Variants in UTRN observed in about 807,000 individuals in gnomAD.
UTRN encodes dystrophin-related protein 1.
UTRN carries 283 observed loss-of-function variants against 463.9 expected under a neutral mutation model. The observed-to-expected ratio is 0.61, with a 90% confidence interval of 0.55 to 0.67. The LOEUF (loss-of-function observed/expected upper bound fraction) is 0.67. UTRN is among the 30% of genes least tolerant of loss of function. The pLI, the probability that UTRN is intolerant of heterozygous loss-of-function variation, is 0.00. For synonymous variants in UTRN, 1,442 were observed against 1,431.5 expected (o/e 1.01, Z -0.17); for missense variants, 3,922 against 4,084.3 (o/e 0.96, Z 1.08).
chr6:144,798,667 C>T (rs1777441533), intron 64 of UTRN, among the ~76,000 whole-genome samples: 1 of 152,118 alleles, frequency 6.6e-6, no homozygotes, highest in South Asian at 2.1e-4. Flanking sequence ...GAAAATAGCC[C>T]CAGTTTAATT....
chr6:144,527,306 G>A (rs1371373858), intron 41 of UTRN, among the ~76,000 whole-genome samples: 2 of 152,180 alleles, frequency 1.3e-5, no homozygotes, highest in African/African-American at 4.8e-5. Context: ...TTTGTTTAAG[G>A]AGGCTGAAGA....
chr6:144,577,034 T>C, intron 50 of UTRN, 65 bp from the exon 51 acceptor site: 2 of 1,505,388 alleles, frequency 1.3e-6, no homozygotes, highest in Non-Finnish European at 1.8e-6. Context: ...ATTTAGGGGA[T>C]GCGTGATGTG....
rs1171023463 is a variant in UTRN, at chr6:144,458,802, C to T, written c.2317C>T (p.Leu773=). The part of the protein sequence containing the change: ...GLPTEEIKNV[L]EKVSSEWKNV... The stretch of plus-strand genomic sequence containing the variant: ...TCCTACTGAAGAAATAAAAAATGTT[C>T]TGGAGAAGGTTTCATCAGAATGGAA... The change falls in exon 20 of 75, where the codon CTG becomes TTG. Residue 773 remains leucine, a synonymous_variant. Coordinates refer to ENST00000367545, the MANE Select transcript of UTRN (RefSeq NM_007124.3). The T allele has an allele frequency of 1.2e-6, 2 of 1,604,098 alleles. No individual in the cohort carries two copies. Among genetic ancestry groups the T allele is most frequent in the Non-Finnish European group, 1.7e-6 (2 of 1,177,496 alleles).
At chr6:144,821,914 T>G (rs1586716667) in intron 66 of UTRN, among the ~76,000 whole-genome samples, 1 of 152,154 alleles carries the variant, frequency 6.6e-6, no homozygotes, top group East Asian at 1.9e-4. Context: ...TTGTATAGCA[T>G]AATGAAGTTC....
intron 51 of UTRN, among the ~76,000 whole-genome samples, chr6:144,626,614 G>A (rs1352547775): frequency 2.6e-5 from 4 of 152,190 alleles, no homozygotes; most frequent in Non-Finnish European, 5.9e-5. Flanking sequence ...TGAGATTGCT[G>A]CCTCTGTAGC....
chr6:144,459,066 A>T, intron 20 of UTRN, 55 bp downstream of exon 20: 1 of 1,566,762 alleles, frequency 6.4e-7, no homozygotes, highest in Non-Finnish European at 8.6e-7. Flanking sequence ...TTCCAGAGTT[A>T]AGGAGGGCTT....
chr6:144,601,477 G>A (rs1435492348), intron 51 of UTRN, among the ~76,000 whole-genome samples: 1 of 151,182 alleles, frequency 6.6e-6, no homozygotes, highest in Non-Finnish European at 1.5e-5. Context: ...CAGCTGTGGT[G>A]GAAATGGCAA....
At chr6:144,508,976 A>AT (rs1377746399) in intron 34 of UTRN, among the ~76,000 whole-genome samples, 4 of 152,102 alleles carry the variant, frequency 2.6e-5, no homozygotes, top group Non-Finnish European at 5.9e-5. Flanking sequence ...GTTTTATAGT[A>AT]TATTTTAACT....
chr6:144,814,798 A>T (rs994792469), intron 65 of UTRN, among the ~76,000 whole-genome samples: 5 of 152,218 alleles, frequency 3.3e-5, no homozygotes, highest in South Asian at 4.1e-4. Context: ...ATGAATAATT[A>T]TGGGATTGTC....
chr6:144,325,047 A>C (rs1387829901), intron 2 of UTRN, among the ~76,000 whole-genome samples: 1 of 152,164 alleles, frequency 6.6e-6, no homozygotes, highest in Admixed American at 6.5e-5. Context: ...TTTTTTCTGG[A>C]AAAACTGAAT....
At chr6:144,314,017 G>A (rs924441007) in intron 2 of UTRN, among the ~76,000 whole-genome samples, 2 of 152,130 alleles carry the variant, frequency 1.3e-5, no homozygotes, top group Non-Finnish European at 2.9e-5. Context: ...ATGGAGTGCT[G>A]TTTTAATGGA....
chr6:144,665,524 A>G (rs970113895), intron 51 of UTRN, among the ~76,000 whole-genome samples: 4 of 152,210 alleles, frequency 2.6e-5, no homozygotes, highest in Non-Finnish European at 5.9e-5. Context: ...TTATATCTCT[A>G]TGGGTTATAT....
intron 52 of UTRN, among the ~76,000 whole-genome samples, chr6:144,683,821 G>A (rs965200225): frequency 1.3e-5 from 2 of 152,052 alleles, no homozygotes; most frequent in African/African-American, 4.8e-5. Flanking sequence ...CATCAAATGT[G>A]GTGCCAGAAA....
At chr6:144,837,431 CAGA>C (rs1781195602) in intron 71 of UTRN, among the ~76,000 whole-genome samples, 1 of 152,184 alleles carries the variant, frequency 6.6e-6, no homozygotes, top group African/African-American at 2.4e-5. Context: ...AGTGATGTCT[CAGA>C]AGTAGTGATG....
chr6:144,675,810 T>G (rs1781529387), intron 51 of UTRN, among the ~76,000 whole-genome samples: 1 of 152,162 alleles, frequency 6.6e-6, no homozygotes, highest in Admixed American at 6.5e-5. Flanking sequence ...GTTCCTGCAG[T>G]GGTTCTTGGA....
intron 50 of UTRN, among the ~76,000 whole-genome samples, chr6:144,567,180 A>G (rs1451895395): frequency 6.6e-6 from 1 of 152,074 alleles, no homozygotes; most frequent in Non-Finnish European, 1.5e-5. Flanking sequence ...TAATGGCCCT[A>G]TGGAAACTGG....
At chr6:144,358,057 T>G (rs1584425184) in intron 2 of UTRN, among the ~76,000 whole-genome samples, 1 of 152,236 alleles carries the variant, frequency 6.6e-6, no homozygotes, top group African/African-American at 2.4e-5. Flanking sequence ...ACTGCTTAAC[T>G]TTAAATGTCT....
Position 144,788,400 on chromosome 6 carries a change from G to A in UTRN, c.8835-794G>A, listed in dbSNP as rs958277795. On this transcript the variant is annotated intron_variant, in intron 61 of 74. Coordinates refer to ENST00000367545, the MANE Select transcript of UTRN (RefSeq NM_007124.3). ...ATTACCAATTAGTATTCAGCAAGTTGTAAGCTCTTAGTATATAGTTAATTT... is the reference window on the plus strand; with the variant it reads ...ATTACCAATTAGTATTCAGCAAGTTATAAGCTCTTAGTATATAGTTAATTT... 3.3e-5 allele frequency among the ~76,000 whole-genome samples: 5 copies of A among 152,010 alleles called. No individual in the cohort carries two copies. In the East Asian group the frequency reaches 5.8e-4, roughly 18 times the overall value.
chr6:144,630,294 A>G (rs1385091034), intron 51 of UTRN, among the ~76,000 whole-genome samples: 1 of 152,226 alleles, frequency 6.6e-6, no homozygotes, highest in African/African-American at 2.4e-5. Context: ...GTTAATTTTC[A>G]TGCTTTGCTG....
Sources: allele counts gnomAD v4.1 joint callset (sites outside exome capture counted in the v4.1 genomes callset), GRCh38; gene constraint gnomAD v4.1.1; transcripts MANE v1.5; gene names NCBI Gene and HGNC (gene_info 2026-07-23, HGNC 2026-07-21).